The following TRMT2B variants were observed in gnomAD, a reference collection of about 807,000 sequenced individuals.
TRMT2B encodes the protein tRNA (uracil-5-)-methyltransferase homolog B.
TRMT2B carries 34 observed loss-of-function variants against 39.7 expected under a neutral mutation model. The ratio of observed to expected loss-of-function variants is 0.86; its 90% CI spans 0.65 to 1.14. The LOEUF is 1.14. Ranked by LOEUF, TRMT2B falls within the 50% of genes most tolerant of loss-of-function variation. The pLI is 0.00. For missense variants in TRMT2B, 318 were observed against 377.2 expected (o/e 0.84, Z 1.30); for synonymous variants, 132 against 137.3 (o/e 0.96, Z 0.27).
chrX:100,988,332 G>T, the TRMT2B span: 1 of 1,202,257 alleles, frequency 8.3e-7, no homozygotes, highest in Non-Finnish European at 1.1e-6. Flanking sequence ...CCCTGAACAC[G>T]TGGGCACCAA....
chrX:101,023,097 C>T (rs1251070950), intron 8 of TRMT2B, among the ~76,000 whole-genome samples: 1 of 112,168 alleles, frequency 8.9e-6, no homozygotes, highest in African/African-American at 3.2e-5. Flanking sequence ...TTTGAAAGCA[C>T]CAAGTGCATG....
At chrX:100,986,699 T>G in the TRMT2B span, 1 of 508,768 alleles carries the variant, frequency 2.0e-6, no homozygotes, top group Non-Finnish European at 3.3e-6. Flanking sequence ...TATAGTAGAA[T>G]TTGTTCTCCT....
chrX:101,010,416 A>T lies in TRMT2B; in HGVS notation c.*165T>A. 1 of 592,150 alleles carries T rather than the reference A, an allele frequency of 1.7e-6. No individual in the cohort carries two copies. Among genetic ancestry groups the T allele is most frequent in the Non-Finnish European group, 2.7e-6 (1 of 375,421 alleles). The allele number at this position is 592,150 out of a possible 1,213,427, so 48.8% of individuals were successfully genotyped here. A position where few individuals can be genotyped will look rare whatever the true frequency, so the allele number is the denominator to read the frequency against. On this transcript the variant is annotated 3_prime_UTR_variant, in exon 14 of 14. Transcript: ENST00000372936. ...AAGAGTGAGACTCTATCTCAAAAAA[A>T]AAATCTGCCTCAGACCAGAGGCCTA...
downstream of TRMT2B, among the ~76,000 whole-genome samples, chrX:101,006,538 C>A: frequency 9.0e-6 from 1 of 111,053 alleles, no homozygotes; most frequent in Non-Finnish European, 1.9e-5. Context: ...CGCAGTGGCT[C>A]ATGCCTGTAA....
intron 4 of TRMT2B, among the ~76,000 whole-genome samples, chrX:101,038,564 T>A (rs1013309261): frequency 1.8e-5 from 2 of 109,653 alleles, no homozygotes; most frequent in Non-Finnish European, 3.8e-5. Context: ...TGAGCTCTTG[T>A]GCAAGCTCAT....
In TRMT2B at chrX:101,037,155, T is replaced by G. The variant is rs751554082; in HGVS notation, c.439-82A>C. 1.2e-4 allele frequency: 95 copies of G among 764,269 alleles called. No individual in the cohort carries two copies. In the African/African-American group the frequency reaches 1.9e-3, roughly 15 times the overall value. 63.0% of individuals were successfully genotyped at this position (764,269 alleles called of 1,213,427 possible). A position where few individuals can be genotyped will look rare whatever the true frequency, so the allele number is the denominator to read the frequency against. ...TAACAATAAAGGGAAAGCAGGAATG[T>G]TCTCTGGATGAGGACAAATAAGGTT... is the stretch of plus-strand genomic sequence containing the variant. On this transcript the variant is annotated intron_variant, in intron 5 of 13. Transcript: ENST00000372936.
Position 101,051,328 on chromosome X carries a change from C to A in TRMT2B, c.-101G>T. 1 of 754,009 alleles carries A rather than the reference C, an allele frequency of 1.3e-6. No homozygotes were observed. The allele number at this position is 754,009 out of a possible 1,213,427, so 62.1% of individuals were successfully genotyped here. A position where few individuals can be genotyped will look rare whatever the true frequency, so the allele number is the denominator to read the frequency against. On this transcript the variant is annotated 5_prime_UTR_variant, in exon 2 of 14. Transcript: ENST00000372936. The stretch of plus-strand genomic sequence containing the variant: ...GGTCCTGCTTGCACTCTCTGCTCAC[C>A]CTTCCTTCAGCTGGACCGGCTCCAG...
In TRMT2B at chrX:101,051,678, C is replaced by T; in HGVS notation, c.-451G>A. The T allele has an allele frequency of 1.3e-6, 1 of 755,172 alleles. No individual in the cohort carries two copies. The highest frequency in any genetic ancestry group is 1.6e-6 in the Non-Finnish European group (1 of 639,673). The allele number at this position is 755,172 out of a possible 1,213,427, so 62.2% of individuals were successfully genotyped here. A position where few individuals can be genotyped will look rare whatever the true frequency, so the allele number is the denominator to read the frequency against. On this transcript the variant is annotated 5_prime_UTR_variant, in exon 2 of 14. Coordinates refer to ENST00000372936, the MANE Select transcript of TRMT2B (RefSeq NM_024917.6). The stretch of plus-strand genomic sequence containing the variant: ...TCACCGTCGGGTCCCGTCTCCAGCC[C>T]CGCCTGCCTCCTCCATTCCCCGCCC...
the TRMT2B span, among the ~76,000 whole-genome samples, chrX:101,002,659 A>AT: frequency 2.6e-3 from 285 of 110,013 alleles, 1 homozygote; most frequent in African/African-American, 9.0e-3. Context: ...GGTGCATGTA[A>AT]TCTCAGCTAC....
intron 7 of TRMT2B, among the ~76,000 whole-genome samples, chrX:101,024,571 C>T (rs1170055776): frequency 9.0e-6 from 1 of 111,290 alleles, no homozygotes; most frequent in African/African-American, 3.3e-5. Flanking sequence ...AGCCTATATT[C>T]CCAGCACTTT....
the TRMT2B span, among the ~76,000 whole-genome samples, chrX:100,992,496 G>A: frequency 9.0e-6 from 1 of 111,007 alleles, no homozygotes; most frequent in Admixed American, 9.6e-5. Context: ...TCGGAGAATC[G>A]CTTGAACCCC....
intron 13 of TRMT2B, among the ~76,000 whole-genome samples, chrX:101,016,937 G>A (rs2086557750): frequency 9.0e-6 from 1 of 111,497 alleles, no homozygotes; most frequent in African/African-American, 3.3e-5. Flanking sequence ...CACTTTGGGA[G>A]GCCAAGGTGG....
In TRMT2B at chrX:101,051,881, C is replaced by G. The variant is rs897484656; in HGVS notation, c.-571G>C. ...TGCTGCGGCGGGGAAACAGTCACTT[C>G]CTGGTGCGCAAGGCGCCTCTACTCC... On this transcript the variant is annotated 5_prime_UTR_variant, in exon 1 of 14. Transcript: ENST00000372936. The G allele has an allele frequency of 4.9e-6, 1 of 203,105 alleles. No individual in the cohort carries two copies. Among genetic ancestry groups the G allele is most frequent in the African/African-American group, 3.1e-5 (1 of 32,762 alleles). 16.7% of individuals were successfully genotyped at this position (203,105 alleles called of 1,213,427 possible).
At position 101,021,242 on chromosome X, in the gene TRMT2B, G is replaced by A; in HGVS notation, c.925C>T (p.Leu309Phe). ...LFGEPYIFEE[L>F]LSLKIRISPD... ...GAGATGCGGATCTTCAAGCTCAGAAGTTCTTCAAAGATGTAGGGTTCCCCA... is the reference window on the plus strand; with the variant it reads ...GAGATGCGGATCTTCAAGCTCAGAAATTCTTCAAAGATGTAGGGTTCCCCA... The change falls in exon 10 of 14, where the codon CTT (leucine) becomes TTT (phenylalanine). Residue 309 changes from leucine to phenylalanine, a missense_variant. Coordinates refer to ENST00000372936, the MANE Select transcript of TRMT2B (RefSeq NM_024917.6). The A allele has an allele frequency of 8.3e-7, 1 of 1,211,784 alleles. No individual in the cohort carries two copies. Among genetic ancestry groups the A allele is most frequent in the East Asian group, 3.0e-5 (1 of 33,838 alleles).
At chrX:101,024,813 T>C (rs944933505) in intron 7 of TRMT2B, among the ~76,000 whole-genome samples, 9 of 108,854 alleles carry the variant, frequency 8.3e-5, no homozygotes, top group South Asian at 4.1e-4. Flanking sequence ...AGAGTGAGAC[T>C]CTATCTCAAA....
At chrX:101,027,236 CTTT>C (rs771559223) in intron 7 of TRMT2B, among the ~76,000 whole-genome samples, 2 of 100,393 alleles carry the variant, frequency 2.0e-5, no homozygotes, top group Admixed American at 1.1e-4. Flanking sequence ...CAGTTTCTTT[CTTT>C]TTTTTTTTTT....
intron 4 of TRMT2B, among the ~76,000 whole-genome samples, chrX:101,040,393 G>A (rs1348055722): frequency 9.0e-6 from 1 of 111,061 alleles, no homozygotes; most frequent in African/African-American, 3.3e-5. Context: ...GATGTGGATG[G>A]GTATGGCTCA....
At chrX:100,986,873 T>G in the TRMT2B span, 1 of 1,199,331 alleles carries the variant, frequency 8.3e-7, no homozygotes. Flanking sequence ...AAGAAGCTAG[T>G]GAAAGAGAAT....
chrX:101,037,991 T>C lies in TRMT2B; in HGVS notation c.364A>G (p.Asn122Asp). ...ACAGCCGTTGTCACACTGACTCCAT[T>C]GAGCATTTGGATGTAAGACTCTAGT... is the stretch of plus-strand genomic sequence containing the variant. ...QRLESYIQML[N>D]GVSVTTAVPK... Residue 122 changes from asparagine to aspartate, a missense_variant, in exon 5 of 14, where the codon AAT becomes GAT. Transcript: ENST00000372936. 8.3e-7 allele frequency: 1 copy of C among 1,208,815 alleles called. No individual in the cohort carries two copies. Among genetic ancestry groups the C allele is most frequent in the Non-Finnish European group, 1.1e-6 (1 of 893,204 alleles).
Sources: allele counts gnomAD v4.1 joint callset (sites outside exome capture counted in the v4.1 genomes callset), GRCh38; gene constraint gnomAD v4.1.1; transcripts MANE v1.5; gene names NCBI Gene and HGNC (gene_info 2026-07-23, HGNC 2026-07-21).